RFTN1: variants seen among roughly 807,000 people sequenced by gnomAD.
The protein encoded by RFTN1 is raftlin.
In RFTN1, 26 loss-of-function variants were observed where a neutral mutation model predicts 46.5. That is an observed-to-expected ratio of 0.56 (90% CI 0.41 to 0.78). The LOEUF (loss-of-function observed/expected upper bound fraction) is 0.78, where lower values mean the gene tolerates loss of function less well. Among genes scored for constraint, RFTN1 ranks in the 30% least tolerant of loss-of-function variants. The pLI, the probability that RFTN1 is intolerant of heterozygous loss-of-function variation, is 0.00. For missense variants in RFTN1, 693 were observed against 718.7 expected (o/e 0.96, Z 0.41); for synonymous variants, 261 against 284.2 (o/e 0.92, Z 0.82).
rs2068334634 is a variant in RFTN1 at position 16,315,878 on chromosome 3, CGTAA to C, written c.*946_*949del. 6.6e-6 allele frequency: 1 copy of C among 152,168 alleles called. No homozygotes were observed. 9.4% of individuals were successfully genotyped at this position (152,168 alleles called of 1,614,324 possible). On this transcript the variant is annotated 3_prime_UTR_variant, in exon 10 of 10. Coordinates refer to ENST00000334133, the MANE Select transcript of RFTN1 (RefSeq NM_015150.2). ...CACTAACTCATAGATGATTTATTGC[CGTAA>C]GTAACTAAACAAGAGAAGAGACAGG...
At position 16,337,657 on chromosome 3, in the gene RFTN1, G is replaced by A. The variant is rs1472481200; in HGVS notation, c.1147-10781C>T. Among the ~76,000 whole-genome samples, 5 of 150,556 alleles carry A rather than the reference G, an allele frequency of 3.3e-5. No homozygotes were observed. The highest frequency in any genetic ancestry group is 4.2e-4 in the South Asian group (2 of 4,772). ...CTCGGGAGGCTGAGGCAGGAGAATCGCTTGAACCCAGGAGGCGGAGGTTGC... is the reference window on the plus strand; with the variant it reads ...CTCGGGAGGCTGAGGCAGGAGAATCACTTGAACCCAGGAGGCGGAGGTTGC... On this transcript the variant is annotated intron_variant, in intron 7 of 9. Coordinates refer to ENST00000334133, the MANE Select transcript of RFTN1 (RefSeq NM_015150.2). This position sits in a 1 kb window ranked among gnomAD's most constrained non-coding sequence, Gnocchi z 5.0.
rs556198581 is a variant in RFTN1 at position 16,509,875 on chromosome 3, A to G, written c.-9+3567T>C. ...GGGAACAGTCCCCAAACACAGTGCA[A>G]TGTCTCAAGACTGAGCTGTCTGCCA... On this transcript the variant is annotated intron_variant, in intron 1 of 9. Coordinates refer to ENST00000334133, the MANE Select transcript of RFTN1 (RefSeq NM_015150.2). This position sits in a 1 kb window ranked among gnomAD's most constrained non-coding sequence, Gnocchi z 4.9. Among the ~76,000 whole-genome samples, 1 of 152,296 alleles carries G rather than the reference A, an allele frequency of 6.6e-6. No individual in the cohort carries two copies. Among genetic ancestry groups the G allele is most frequent in the Admixed American group, 6.5e-5 (1 of 15,294 alleles).
At chr3:16,392,801 C>A (rs575054233) in intron 4 of RFTN1, among the ~76,000 whole-genome samples, 1 of 152,146 alleles carries the variant, frequency 6.6e-6, no homozygotes, top group Admixed American at 6.5e-5. Context: ...CCAACCCTCA[C>A]AAGTCACTTC....
intron 7 of RFTN1, 73 bp downstream of exon 7, chr3:16,357,859 G>A (rs540912300): frequency 3.4e-5 from 32 of 932,240 alleles, no homozygotes; most frequent in African/African-American, 1.8e-4. Context: ...ACAGCCCCAC[G>A]GTCAGATCAA....
At position 16,509,687 on chromosome 3, in the gene RFTN1, C is replaced by A. The variant is rs191301286; in HGVS notation, c.-9+3755G>T. 2.0e-5 allele frequency among the ~76,000 whole-genome samples: 3 copies of A among 152,186 alleles called. No homozygotes were observed. The highest frequency in any genetic ancestry group is 4.4e-5 in the Non-Finnish European group (3 of 68,026). On this transcript the variant is annotated intron_variant, in intron 1 of 9. Coordinates refer to ENST00000334133, the MANE Select transcript of RFTN1 (RefSeq NM_015150.2). The surrounding 1 kb of genome is among the most constrained non-coding windows in gnomAD (Gnocchi z 4.9). ...GTGTTTTCCAAGCCATGGTAAAGTGCCCTCGAGTAAAATACATCCTGGGGC... is the reference window on the plus strand; with the variant it reads ...GTGTTTTCCAAGCCATGGTAAAGTGACCTCGAGTAAAATACATCCTGGGGC...
At chr3:16,503,742 C>A (rs556265645) in intron 1 of RFTN1, among the ~76,000 whole-genome samples, 82 of 152,274 alleles carry the variant, frequency 5.4e-4, no homozygotes, top group African/African-American at 1.9e-3. Context: ...GTCTCCTCTG[C>A]CATCCTCCCA....
chr3:16,467,164 G>A lies in RFTN1; in HGVS notation c.145+26561C>T, dbSNP rs143087942. Among the ~76,000 whole-genome samples, 6 of 152,324 alleles carry A rather than the reference G, an allele frequency of 3.9e-5. No individual in the cohort carries two copies. In the South Asian group the frequency reaches 1.0e-3, roughly 26 times the overall value. ...CTCCTGAGCTAAAGGCCTGAGCCTG[G>A]GAACCAGTGGGAGGAATGAAACAGA... On this transcript the variant is annotated intron_variant, in intron 2 of 9. Coordinates refer to ENST00000334133, the MANE Select transcript of RFTN1 (RefSeq NM_015150.2).
chr3:16,485,417 A>G (rs1575357986), intron 2 of RFTN1, among the ~76,000 whole-genome samples: 1 of 152,368 alleles, frequency 6.6e-6, no homozygotes, highest in East Asian at 1.9e-4. Context: ...GACTCCATAT[A>G]TACAACAACA....
At position 16,418,727 on chromosome 3, in the gene RFTN1, GA is replaced by G. The variant is rs908487217; in HGVS notation, c.333-9245del. ...AGGGAGAGAAATGAGCTAGAGATCT[GA>G]AAGAGATTTGTCAATGAAAGAAAAA... On this transcript the variant is annotated intron_variant, in intron 3 of 9. Coordinates refer to ENST00000334133, the MANE Select transcript of RFTN1 (RefSeq NM_015150.2). This position sits in a 1 kb window ranked among gnomAD's most constrained non-coding sequence, Gnocchi z 5.0. 1.3e-5 allele frequency among the ~76,000 whole-genome samples: 2 copies of G among 151,512 alleles called. No homozygotes were observed. Among genetic ancestry groups the G allele is most frequent in the African/African-American group, 4.9e-5 (2 of 41,208 alleles).
At position 16,396,247 on chromosome 3, in the gene RFTN1, G is replaced by C. The variant is rs145656519; in HGVS notation, c.441+13128C>G. On this transcript the variant is annotated intron_variant, in intron 4 of 9. Transcript: ENST00000334133. The stretch of plus-strand genomic sequence containing the variant: ...AGGAGAAATATGAGAAAGCAGAAAG[G>C]AAAGGGAGAAACCAGTGCATCTTTT... 1.2e-3 allele frequency among the ~76,000 whole-genome samples: 179 copies of C among 152,230 alleles called. 1 individual carries two copies. The highest frequency in any genetic ancestry group is 3.5e-3 in the African/African-American group (147 of 41,548).
At chr3:16,482,954 A>T in intron 2 of RFTN1, 2 of 800,832 alleles carry the variant, frequency 2.5e-6, no homozygotes, top group Non-Finnish European at 4.0e-6. Context: ...CTCTTGCAGC[A>T]GTATCAAGGG....
intron 1 of RFTN1, among the ~76,000 whole-genome samples, chr3:16,511,412 T>C (rs1361898574): frequency 6.6e-6 from 1 of 152,218 alleles, no homozygotes; most frequent in Admixed American, 6.5e-5. Flanking sequence ...GCTGGACTTA[T>C]GGATGGACAC....
At position 16,377,779 on chromosome 3, in the gene RFTN1, G is replaced by A. The variant is rs200838900; in HGVS notation, c.765C>T (p.Ser255=). ...DGGELSPQGV[S]KTLDGPESNP... ...TGCTCTCCGGTCCATCCAGTGTCTT[G>A]CTCACCCCCTGTGGTGAAAGTTCTC... The change falls in exon 5 of 10, where the codon AGC becomes AGT. Residue 255 remains serine, a synonymous_variant. Coordinates refer to ENST00000334133, the MANE Select transcript of RFTN1 (RefSeq NM_015150.2). 1.9e-6 allele frequency: 3 copies of A among 1,613,958 alleles called. No individual in the cohort carries two copies. In the African/African-American group the frequency reaches 4.0e-5, roughly 22 times the overall value.
chr3:16,409,042 G>A (rs1251198118), intron 4 of RFTN1, among the ~76,000 whole-genome samples: 3 of 152,236 alleles, frequency 2.0e-5, no homozygotes, highest in Admixed American at 2.0e-4. Flanking sequence ...AAGACCCATA[G>A]ATAAAAGGAA....
chr3:16,469,428 C>G (rs77779185), intron 2 of RFTN1, among the ~76,000 whole-genome samples: 5,026 of 152,268 alleles, frequency 0.033, 131 homozygotes, highest in Middle Eastern at 0.065. Flanking sequence ...AGTTATGAGG[C>G]TGTTATGCTT....
chr3:16,460,363 T>C lies in RFTN1; in HGVS notation c.146-26326A>G, dbSNP rs1255360801. Among the ~76,000 whole-genome samples the C allele has an allele frequency of 6.6e-6, 1 of 152,158 alleles. No individual in the cohort carries two copies. The highest frequency in any genetic ancestry group is 1.5e-5 in the Non-Finnish European group (1 of 68,020). On this transcript the variant is annotated intron_variant, in intron 2 of 9. Coordinates refer to ENST00000334133, the MANE Select transcript of RFTN1 (RefSeq NM_015150.2). This position sits in a 1 kb window ranked among gnomAD's most constrained non-coding sequence, Gnocchi z 4.8. ...CTTTTTTTCTGCTGCCAAAGCCCAATAGGCTTATAAATAAATACACAGCCC... is the reference window on the plus strand; with the variant it reads ...CTTTTTTTCTGCTGCCAAAGCCCAACAGGCTTATAAATAAATACACAGCCC...
chr3:16,389,449 A>AGAT (rs2074295338), intron 4 of RFTN1, among the ~76,000 whole-genome samples: 1 of 152,004 alleles, frequency 6.6e-6, no homozygotes, highest in African/African-American at 2.4e-5. Context: ...GAGCACATGA[A>AGAT]GATATGTGAT....
rs1337031276 is a variant in RFTN1, at chr3:16,429,553, A to C, written c.332+4298T>G. Among the ~76,000 whole-genome samples, 1 of 152,106 alleles carries C rather than the reference A, an allele frequency of 6.6e-6. No individual in the cohort carries two copies. Among genetic ancestry groups the C allele is most frequent in the African/African-American group, 2.4e-5 (1 of 41,410 alleles). ...CATGAGGCACATATCTCATTTACTT[A>C]ATTAGACTGCAAGTGCTTGGAAGGC... On this transcript the variant is annotated intron_variant, in intron 3 of 9. Transcript: ENST00000334133. The surrounding 1 kb of genome is among the most constrained non-coding windows in gnomAD (Gnocchi z 6.4).
Position 16,421,677 on chromosome 3 carries a change from C to T in RFTN1, c.332+12174G>A, listed in dbSNP as rs532355721. ...ACATTGGTGTTTTAATCTCATACTGCGTCCCACAAAGCTCTTATGGGCAGA... is the reference window on the plus strand; with the variant it reads ...ACATTGGTGTTTTAATCTCATACTGTGTCCCACAAAGCTCTTATGGGCAGA... On this transcript the variant is annotated intron_variant, in intron 3 of 9. Coordinates refer to ENST00000334133, the MANE Select transcript of RFTN1 (RefSeq NM_015150.2). This position sits in a 1 kb window ranked among gnomAD's most constrained non-coding sequence, Gnocchi z 4.6. 1.3e-5 allele frequency among the ~76,000 whole-genome samples: 2 copies of T among 152,178 alleles called. No individual in the cohort carries two copies. The highest frequency in any genetic ancestry group is 6.6e-5 in the Admixed American group (1 of 15,264).
Sources: gnomAD v4.1 joint callset for allele counts (sites outside exome capture counted in the v4.1 genomes callset) on GRCh38, gnomAD v4.1.1 for gene constraint, Gnocchi (gnomAD v3.1) non-coding constraint, MANE v1.5 for transcripts, NCBI Gene and HGNC (gene_info 2026-07-23, HGNC 2026-07-21) for gene names.